ECT2L: variants seen among roughly 807,000 people sequenced by gnomAD.
ECT2L encodes the protein epithelial cell transforming 2 like, also known as epithelial cell-transforming sequence 2 oncogene-like.
ECT2L carries 126 observed loss-of-function variants against 122.8 expected under a neutral mutation model. That is an observed-to-expected ratio of 1.03 (90% CI 0.89 to 1.19). The LOEUF (loss-of-function observed/expected upper bound fraction) is 1.19. ECT2L is among the 50% of genes most tolerant of loss of function. The pLI, the probability that ECT2L is intolerant of heterozygous loss-of-function variation, is 0.00. For missense variants in ECT2L, 1,012 were observed against 1,064.1 expected (o/e 0.95, Z 0.68); for synonymous variants, 385 against 381.8 (o/e 1.01, Z -0.10).
intron 4 of ECT2L, among the ~76,000 whole-genome samples, chr6:138,828,935 C>G (rs1329267405): frequency 1.3e-5 from 2 of 151,918 alleles, no homozygotes; most frequent in Admixed American, 6.6e-5. Context: ...CTCTTGAGTT[C>G]TTTTGACATG....
At chr6:138,874,060 A>C (rs1652609316) in intron 13 of ECT2L, among the ~76,000 whole-genome samples, 1 of 152,132 alleles carries the variant, frequency 6.6e-6, no homozygotes, top group Non-Finnish European at 1.5e-5. Context: ...CCAGAATTAT[A>C]GTTGTTCCTG....
chr6:138,826,832 TGA>T (rs1430490002), intron 4 of ECT2L, among the ~76,000 whole-genome samples: 1 of 152,042 alleles, frequency 6.6e-6, no homozygotes, highest in Admixed American at 6.6e-5. Context: ...AGTGAGTTCC[TGA>T]GAGATCTGGT....
chr6:138,864,872 C>A, intron 11 of ECT2L, 124 bp from the exon 12 acceptor site: 1 of 884,454 alleles, frequency 1.1e-6, no homozygotes, highest in Non-Finnish European at 1.6e-6. Context: ...TCTTAGTCTT[C>A]TAATGAGAAA....
intron 12 of ECT2L, among the ~76,000 whole-genome samples, chr6:138,866,270 C>A (rs947986991): frequency 1.3e-5 from 2 of 151,958 alleles, no homozygotes; most frequent in African/African-American, 4.8e-5. Context: ...CCCTCAGCCT[C>A]CTGAGTAGCT....
rs1291405717 is a variant in ECT2L at position 138,825,948 on chromosome 6, TC to T, written c.179+11350del. ...CTTATCGCCCAAAATGAATTTTTTC[TC>T]CCCCTGCCTTAGTCAACGACTCCCA... On this transcript the variant is annotated intron_variant, in intron 4 of 21. Transcript: ENST00000541398. Among the ~76,000 whole-genome samples, 8 of 152,144 alleles carry T rather than the reference TC, an allele frequency of 5.3e-5. No individual in the cohort carries two copies. The East Asian group carries it at 1.5e-3, about 29-fold the overall frequency.
chr6:138,877,125 T>C (rs1423952766), intron 14 of ECT2L, among the ~76,000 whole-genome samples: 1 of 152,176 alleles, frequency 6.6e-6, no homozygotes, highest in African/African-American at 2.4e-5. Context: ...CCACATTTTA[T>C]AGATAAAGAA....
At chr6:138,843,300 T>G (rs1174538805) in intron 6 of ECT2L, 69 bp downstream of exon 6, 1 of 1,452,144 alleles carries the variant, frequency 6.9e-7, no homozygotes, top group East Asian at 2.3e-5. Flanking sequence ...ACATACAAAT[T>G]CCCACAGAGG....
chr6:138,871,096 C>G (rs1778236191), intron 13 of ECT2L, among the ~76,000 whole-genome samples: 1 of 152,070 alleles, frequency 6.6e-6, no homozygotes, highest in East Asian at 1.9e-4. Context: ...ATAATTTTGC[C>G]AGTACTATAT....
chr6:138,832,353 T>C (rs1776675398), intron 4 of ECT2L, among the ~76,000 whole-genome samples: 1 of 152,160 alleles, frequency 6.6e-6, no homozygotes. Flanking sequence ...CCTTCCCTCA[T>C]GGTGTTTTAG....
chr6:138,866,019 T>G (rs1028529941), intron 12 of ECT2L, among the ~76,000 whole-genome samples: 1 of 152,256 alleles, frequency 6.6e-6, no homozygotes, highest in African/African-American at 2.4e-5. Context: ...TCTCTTTACA[T>G]AAATGCTTCC....
At chr6:138,895,647 T>G (rs1036119448) in intron 20 of ECT2L, among the ~76,000 whole-genome samples, 1 of 151,582 alleles carries the variant, frequency 6.6e-6, no homozygotes. Context: ...CTCGGCTCAC[T>G]GCAACCTCTG....
intron 19 of ECT2L, among the ~76,000 whole-genome samples, chr6:138,888,091 A>G (rs1778888406): frequency 6.6e-6 from 1 of 152,124 alleles, no homozygotes; most frequent in East Asian, 1.9e-4. Context: ...ATTTAGTCAA[A>G]TTGGGGAAGC....
intron 13 of ECT2L, among the ~76,000 whole-genome samples, chr6:138,873,127 T>C (rs771991910): frequency 2.6e-5 from 4 of 152,216 alleles, no homozygotes; most frequent in Non-Finnish European, 5.9e-5. Context: ...AAATTTGGGC[T>C]GAAAGTTCCT....
intron 4 of ECT2L, among the ~76,000 whole-genome samples, chr6:138,836,089 G>A (rs182109868): frequency 1.7e-4 from 26 of 151,962 alleles, no homozygotes; most frequent in Non-Finnish European, 3.1e-4. Context: ...ATCGCGTCGG[G>A]GGGCATAGCA....
rs1779492832 is a variant in ECT2L at position 138,903,932 on chromosome 6, T to C, written c.*1305T>C. 6.6e-6 allele frequency: 1 copy of C among 152,236 alleles called. No homozygotes were observed. The highest frequency in any genetic ancestry group is 2.1e-4 in the South Asian group (1 of 4,832). 9.4% of individuals were successfully genotyped at this position (152,236 alleles called of 1,614,324 possible). A position where few individuals can be genotyped will look rare whatever the true frequency, so the allele number is the denominator to read the frequency against. ...TTTAGGACTGTGAATCTATAGTATT[T>C]AAACATTTTTTCTTTCAGAAATGAA... On this transcript the variant is annotated 3_prime_UTR_variant, in exon 22 of 22. Coordinates refer to ENST00000541398, the MANE Select transcript of ECT2L (RefSeq NM_001077706.3).
chr6:138,879,230 A>C, intron 14 of ECT2L: 1 of 285,120 alleles, frequency 3.5e-6, no homozygotes, highest in Non-Finnish European at 7.1e-6. Context: ...ATGCCTGTTA[A>C]TCTTAAATTG....
chr6:138,841,506 C>A (rs148897353), intron 5 of ECT2L, among the ~76,000 whole-genome samples: 150 of 152,328 alleles, frequency 9.8e-4, no homozygotes, highest in African/African-American at 3.3e-3. Context: ...TGAAAAGAAT[C>A]TTAACTGAAA....
intron 1 of ECT2L, among the ~76,000 whole-genome samples, chr6:138,809,357 A>G (rs1295325979): frequency 6.6e-6 from 1 of 152,150 alleles, no homozygotes; most frequent in Non-Finnish European, 1.5e-5. Flanking sequence ...CTACGGTCCC[A>G]GCTGAGGCTG....
At chr6:138,896,875 T>A (rs1290257717) in intron 20 of ECT2L, among the ~76,000 whole-genome samples, 1 of 152,044 alleles carries the variant, frequency 6.6e-6, no homozygotes, top group Admixed American at 6.6e-5. Flanking sequence ...CTCAAACTCC[T>A]GACTCTGTGA....
Sources: gnomAD v4.1 joint callset for allele counts (sites outside exome capture counted in the v4.1 genomes callset) on GRCh38, gnomAD v4.1.1 for gene constraint, MANE v1.5 for transcripts, NCBI Gene and HGNC (gene_info 2026-07-23, HGNC 2026-07-21) for gene names.